SERPINI2: variants seen among roughly 807,000 people sequenced by gnomAD.
SERPINI2 encodes serpin family I member 2.
In SERPINI2, 48 loss-of-function variants were observed where a neutral mutation model predicts 47.3. That is an observed-to-expected ratio of 1.02 (90% CI 0.81 to 1.29). The LOEUF (loss-of-function observed/expected upper bound fraction) is 1.29. Ranked by LOEUF, SERPINI2 falls within the 50% of genes most tolerant of loss-of-function variation. The pLI, the probability that SERPINI2 is intolerant of heterozygous loss-of-function variation, is 0.00. For synonymous variants in SERPINI2, 135 were observed against 149.3 expected, an observed-to-expected ratio of 0.90 and a Z score of 0.70; for missense variants, 448 against 456.9, an observed-to-expected ratio of 0.98 and a Z score of 0.18.
At chr3:167,442,070 T>A (rs774656845) in exon 9 of SERPINI2, 20 of 1,503,346 alleles carry the variant, frequency 1.3e-5, no homozygotes, top group Non-Finnish European at 1.7e-5. Context: ...TCAGCTATTT[T>A]TGAGAAATCA....
chr3:167,469,901 A>C (rs916956979), intron 2 of SERPINI2, among the ~76,000 whole-genome samples: 1 of 152,122 alleles, frequency 6.6e-6, no homozygotes, highest in African/African-American at 2.4e-5. Context: ...GTTTATTACA[A>C]GGTTGTTTAC....
At position 167,465,805 on chromosome 3, in the gene SERPINI2, T is replaced by C. The variant is rs1440460855; in HGVS notation, c.479-132A>G. ...GATAGGGCATGTTATCATCTAAATA[T>C]GGTAATTTTGAGAATAGACGGGATT... On this transcript the variant is annotated intron_variant, in intron 3 of 8. Transcript: ENST00000264677. 4 of 674,698 alleles carry C rather than the reference T, an allele frequency of 5.9e-6. No homozygotes were observed. The East Asian group carries it at 1.1e-4, about 19-fold the overall frequency. The allele number at this position is 674,698 out of a possible 1,614,324, so 41.8% of individuals were successfully genotyped here.
At chr3:167,446,638 T>G (rs1489244001) in intron 7 of SERPINI2, 157 bp from the exon 8 acceptor site, 1 of 462,044 alleles carries the variant, frequency 2.2e-6, no homozygotes, top group Non-Finnish European at 3.8e-6. Context: ...GAATTTGCAA[T>G]AAATTTAAAA....
intron 5 of SERPINI2, 93 bp from the exon 6 acceptor site, chr3:167,453,126 T>C (rs1749689096): frequency 1.7e-6 from 1 of 591,012 alleles, no homozygotes; most frequent in Non-Finnish European, 2.9e-6. Flanking sequence ...GATAATATAT[T>C]GTAAAATCTT....
At chr3:167,448,840 T>A (rs1749558839) in intron 7 of SERPINI2, among the ~76,000 whole-genome samples, 1 of 152,198 alleles carries the variant, frequency 6.6e-6, no homozygotes, top group African/African-American at 2.4e-5. Context: ...ATAGGAGTTT[T>A]TAAAGCTTCC....
chr3:167,450,024 G>C (rs530352852), intron 6 of SERPINI2, among the ~76,000 whole-genome samples: 1 of 152,270 alleles, frequency 6.6e-6, no homozygotes, highest in East Asian at 1.9e-4. Flanking sequence ...TCCTCCCTTA[G>C]CCATTGTCTA....
chr3:167,459,144 G>C (rs1749908014), intron 5 of SERPINI2, among the ~76,000 whole-genome samples: 1 of 148,964 alleles, frequency 6.7e-6, no homozygotes, highest in Non-Finnish European at 1.5e-5. Context: ...GCGGGATCTC[G>C]GCTCACTGCA....
intron 6 of SERPINI2, among the ~76,000 whole-genome samples, chr3:167,450,787 G>T (rs1749619047): frequency 6.6e-6 from 1 of 152,106 alleles, no homozygotes; most frequent in African/African-American, 2.4e-5. Context: ...AAGCAGGTTA[G>T]GAAGGAGTGA....
At chr3:167,472,616 A>G (rs1463700594) in intron 1 of SERPINI2, among the ~76,000 whole-genome samples, 1 of 151,938 alleles carries the variant, frequency 6.6e-6, no homozygotes, top group Non-Finnish European at 1.5e-5. Flanking sequence ...TTGAAATTAT[A>G]AAAGAAAAAA....
At chr3:167,447,052 T>G (rs564217378) in intron 7 of SERPINI2, 1 of 152,152 alleles carries the variant, frequency 6.6e-6, no homozygotes, top group Non-Finnish European at 1.5e-5. Context: ...ATTATTTATA[T>G]TATGTTGCTC....
chr3:167,460,676 G>A (rs748936829), intron 5 of SERPINI2, among the ~76,000 whole-genome samples: 12 of 152,136 alleles, frequency 7.9e-5, no homozygotes, highest in Non-Finnish European at 1.2e-4. Context: ...AATGGCTAAT[G>A]TCCTATTTTT....
At chr3:167,453,692 C>G (rs74555466) in intron 5 of SERPINI2, among the ~76,000 whole-genome samples, 8,029 of 150,842 alleles carry the variant, frequency 0.053, 710 homozygotes, top group African/African-American at 0.18. Context: ...GAGGTAGCCA[C>G]TGCTTCCAAC....
chr3:167,442,078 T>C, exon 9 of SERPINI2: 2 of 1,530,624 alleles, frequency 1.3e-6, no homozygotes, highest in African/African-American at 1.4e-5. Context: ...TTTTGAGAAA[T>C]CATCTTTTAT....
At chr3:167,471,554 A>G (rs567591923) in intron 2 of SERPINI2, 34 bp downstream of exon 2, 3 of 1,598,484 alleles carry the variant, frequency 1.9e-6, no homozygotes, top group Non-Finnish European at 2.6e-6. Context: ...TCCATATCTT[A>G]TCCAGTATAA....
At chr3:167,458,245 CTTTTTTTTTTTT>C in intron 5 of SERPINI2, among the ~76,000 whole-genome samples, 1 of 105,204 alleles carries the variant, frequency 9.5e-6, no homozygotes, top group Non-Finnish European at 1.9e-5. Context: ...GAATTTCTTT[CTTTTTTTTTTTT>C]TTTTTTTTTT....
At chr3:167,444,144 T>G (rs1749403806) in intron 8 of SERPINI2, among the ~76,000 whole-genome samples, 1 of 152,190 alleles carries the variant, frequency 6.6e-6, no homozygotes, top group Non-Finnish European at 1.5e-5. Context: ...TCATTATGTC[T>G]GGAGTCCTGT....
intron 7 of SERPINI2, among the ~76,000 whole-genome samples, chr3:167,448,757 C>T (rs1022481882): frequency 4.6e-5 from 7 of 152,088 alleles, no homozygotes; most frequent in Non-Finnish European, 7.4e-5. Context: ...CTCCTGACCT[C>T]GTGATCCACC....
intron 2 of SERPINI2, among the ~76,000 whole-genome samples, chr3:167,468,315 G>A (rs925348188): frequency 6.6e-6 from 1 of 152,080 alleles, no homozygotes; most frequent in East Asian, 1.9e-4. Flanking sequence ...GAGGATGTGT[G>A]TGTGTGTGTA....
chr3:167,465,692 A>G lies in SERPINI2; in HGVS notation c.479-19T>C. The G allele has an allele frequency of 6.3e-7, 1 of 1,591,860 alleles. No individual in the cohort carries two copies. Among genetic ancestry groups the G allele is most frequent in the Non-Finnish European group, 8.5e-7 (1 of 1,171,672 alleles). On this transcript the variant is annotated intron_variant, in intron 3 of 8. Transcript: ENST00000264677. ...ATTTTTCCTAGGAAGTGGGTGGAGG[A>G]GGAGGTAAGAAGAAATGTGCAATAG...
Sources: allele counts gnomAD v4.1 joint callset (sites outside exome capture counted in the v4.1 genomes callset), GRCh38; gene constraint gnomAD v4.1.1; transcripts MANE v1.5; gene names NCBI Gene and HGNC (gene_info 2026-07-23, HGNC 2026-07-21).